Variants in CASZ1 observed in about 807,000 individuals in gnomAD.
CASZ1 encodes the protein castor zinc finger 1, also known as zinc finger protein castor homolog 1.
In CASZ1, 28 loss-of-function variants were observed where a neutral mutation model predicts 135.2. That is an observed-to-expected ratio of 0.21 (90% CI 0.15 to 0.28). CASZ1 has a LOEUF of 0.28. Ranked by LOEUF, CASZ1 falls within the 10% of genes least tolerant of loss-of-function variation. The probability of loss-of-function intolerance (pLI) is 1.00; values close to 1 mark genes in which losing one functional copy is unlikely to be tolerated. For missense variants in CASZ1, 2,161 were observed against 2,453.3 expected, an observed-to-expected ratio of 0.88 and a Z score of 2.52; for synonymous variants, 1,068 against 1,073.4, an observed-to-expected ratio of 0.99 and a Z score of 0.10.
intron 7 of CASZ1, 27 bp from the exon 8 acceptor site, chr1:10,656,763 G>A (rs751317305): frequency 2.7e-6 from 4 of 1,483,420 alleles, no homozygotes; most frequent in Non-Finnish European, 2.8e-6. Context: ...TGGGGTCAGG[G>A]CCCTGCTGTG....
intron 4 of CASZ1, among the ~76,000 whole-genome samples, chr1:10,675,015 A>ACCC (rs35948372): frequency 8.6e-5 from 13 of 150,788 alleles, no homozygotes; most frequent in African/African-American, 3.2e-4. Context: ...GTGCTCAGAT[A>ACCC]CCCCCCGCAA....
intron 17 of CASZ1, among the ~76,000 whole-genome samples, chr1:10,645,816 C>G (rs11587696): frequency 1.2e-4 from 18 of 152,052 alleles, no homozygotes; most frequent in Non-Finnish European, 2.4e-4. Context: ...AATTCTAGGG[C>G]TTTGGAAAAA....
chr1:10,644,210 G>A (rs537141568), intron 18 of CASZ1, among the ~76,000 whole-genome samples: 4 of 152,274 alleles, frequency 2.6e-5, no homozygotes, highest in African/African-American at 9.6e-5. Context: ...GTGGGTTCTG[G>A]TCTCTTCCTA....
intron 5 of CASZ1, among the ~76,000 whole-genome samples, chr1:10,664,037 G>A (rs1421257401): frequency 6.6e-6 from 1 of 152,252 alleles, no homozygotes; most frequent in Non-Finnish European, 1.5e-5. Context: ...TTTCCTATCA[G>A]AGGAAACTGA....
chr1:10,710,364 G>C (rs923015201), intron 2 of CASZ1, among the ~76,000 whole-genome samples: 1 of 152,134 alleles, frequency 6.6e-6, no homozygotes, highest in African/African-American at 2.4e-5. Context: ...AGAAAAGCTG[G>C]CCTCCCCACC....
At chr1:10,754,236 T>C (rs1387056032) in intron 2 of CASZ1, among the ~76,000 whole-genome samples, 1 of 152,236 alleles carries the variant, frequency 6.6e-6, no homozygotes, top group Non-Finnish European at 1.5e-5. Flanking sequence ...AAAGAGGCTC[T>C]TGTTTTCTCC....
At chr1:10,738,108 G>C (rs1238467343) in intron 2 of CASZ1, among the ~76,000 whole-genome samples, 1 of 152,152 alleles carries the variant, frequency 6.6e-6, no homozygotes, top group Non-Finnish European at 1.5e-5. Context: ...ACGAGCAATC[G>C]AGCAACTAAT....
rs924701424 is a variant in CASZ1, at chr1:10,717,653, G to A, written c.-76-12109C>T. Reference sequence around the variant, plus strand: ...CGGCTCCTGAGGACATGGATGGGGGGCAGGGGGCAGGGGACAGGGGCGGAG... The same window carrying A: ...CGGCTCCTGAGGACATGGATGGGGGACAGGGGGCAGGGGACAGGGGCGGAG... On this transcript the variant is annotated intron_variant, in intron 2 of 20. Transcript: ENST00000377022. The surrounding 1 kb of genome is among the most constrained non-coding windows in gnomAD (Gnocchi z 4.6). 1.3e-5 allele frequency among the ~76,000 whole-genome samples: 2 copies of A among 152,150 alleles called. No homozygotes were observed. The highest frequency in any genetic ancestry group is 6.5e-5 in the Admixed American group (1 of 15,278).
chr1:10,684,505 A>G (rs1473972491), intron 4 of CASZ1, among the ~76,000 whole-genome samples: 1 of 152,166 alleles, frequency 6.6e-6, no homozygotes, highest in Non-Finnish European at 1.5e-5. Flanking sequence ...TGGTCCATTC[A>G]GGAGGTGCCT....
chr1:10,641,532 C>G (rs896365306), intron 20 of CASZ1, among the ~76,000 whole-genome samples: 7 of 152,232 alleles, frequency 4.6e-5, no homozygotes, highest in African/African-American at 1.7e-4. Flanking sequence ...CCTGAGTCCA[C>G]AGAGACTTCC....
At chr1:10,704,407 G>C (rs905106066) in intron 3 of CASZ1, 1 of 152,318 alleles carries the variant, frequency 6.6e-6, no homozygotes, top group Non-Finnish European at 1.5e-5. Context: ...CCCAGCGAGA[G>C]TGCAGGGCGC....
chr1:10,767,813 G>A lies in CASZ1; in HGVS notation c.-233-6956C>T, dbSNP rs115219836. Among the ~76,000 whole-genome samples, 480 of 152,236 alleles carry A rather than the reference G, an allele frequency of 3.2e-3. 1 individual carries two copies. The highest frequency in any genetic ancestry group is 0.011 in the African/African-American group (457 of 41,528). On this transcript the variant is annotated intron_variant, in intron 1 of 20. Transcript: ENST00000377022. This position sits in a 1 kb window ranked among gnomAD's most constrained non-coding sequence, Gnocchi z 4.2. ...CCCTGTCTGTCTTGCCCACTGCCCC[G>A]GGGATCACTTCCCTCGCTGGCCCTG...
chr1:10,712,125 C>T (rs1212255446), intron 2 of CASZ1, among the ~76,000 whole-genome samples: 2 of 152,166 alleles, frequency 1.3e-5, no homozygotes, highest in East Asian at 3.8e-4. Flanking sequence ...GCAGGCAGAT[C>T]ACTTGAGGTC....
Position 10,665,125 on chromosome 1 carries a change from C to A in CASZ1, c.463G>T (p.Ala155Ser). The change falls in exon 5 of 21, where the codon GCC (alanine) becomes TCC (serine). Residue 155 changes from alanine to serine, a missense_variant. Physicochemically the swap from Ala to Ser is moderately conservative, Grantham distance 99. Coordinates refer to ENST00000377022, the MANE Select transcript of CASZ1 (RefSeq NM_001079843.3). ...CTGGGGCCGCTGTCCTCCTTGGAGG[C>A]TGCCCCGTCCGAATCCTTCTCCTCC... Reference protein sequence around the residue: ...ALEEKDSDGAASKEDSGPSTR... With the variant: ...ALEEKDSDGASSKEDSGPSTR... The A allele has an allele frequency of 2.0e-6, 3 of 1,519,102 alleles. No homozygotes were observed. Among genetic ancestry groups the A allele is most frequent in the Non-Finnish European group, 2.6e-6 (3 of 1,133,030 alleles). 94.1% of individuals were successfully genotyped at this position (1,519,102 alleles called of 1,614,324 possible).
Position 10,665,314 on chromosome 1 carries a change from C to T in CASZ1, c.274G>A (p.Val92Met), listed in dbSNP as rs1335221912. Residue 92 changes from valine to methionine, a missense_variant, in exon 5 of 21, where the codon GTG becomes ATG. By Grantham distance (21) the Val-to-Met change is conservative. Coordinates refer to ENST00000377022, the MANE Select transcript of CASZ1 (RefSeq NM_001079843.3). Reference sequence around the variant, plus strand: ...GGCTCCTCGCTGTACTCCCCGTTCACCCACTTCTCGATCACTGCCCGTCTC... The same window carrying T: ...GGCTCCTCGCTGTACTCCCCGTTCATCCACTTCTCGATCACTGCCCGTCTC... ...DKRRAVIEKW[V>M]NGEYSEEPAP... is the part of the protein sequence containing the mutation. 1.9e-6 allele frequency: 3 copies of T among 1,612,728 alleles called. No homozygotes were observed. Among genetic ancestry groups the T allele is most frequent in the Middle Eastern group, 1.6e-4 (1 of 6,082 alleles).
rs1184972918 is a variant in CASZ1 at position 10,639,134 on chromosome 1, GTCC to G, written c.5085_5087del (p.Glu1695del). On this transcript the variant is annotated inframe_deletion, in exon 21 of 21. Transcript: ENST00000377022. This position sits in a 1 kb window ranked among gnomAD's most constrained non-coding sequence, Gnocchi z 4.0. Reference sequence around the variant, plus strand: ...CCTCGTCGTCGTCGTCCTCGTCGTCGTCCTCGTCCTCGTCGTCTTCGGCCTCCT... The same window carrying G: ...CCTCGTCGTCGTCGTCCTCGTCGTCGTCGTCCTCGTCGTCTTCGGCCTCCT... The G allele has an allele frequency of 8.9e-7, 1 of 1,122,854 alleles. No homozygotes were observed. The highest frequency in any genetic ancestry group is 2.4e-5 in the South Asian group (1 of 41,484). 69.6% of individuals were successfully genotyped at this position (1,122,854 alleles called of 1,614,324 possible). A position where few individuals can be genotyped will look rare whatever the true frequency, so the allele number is the denominator to read the frequency against.
chr1:10,727,301 C>T lies in CASZ1; in HGVS notation c.-76-21757G>A, dbSNP rs1355434264. On this transcript the variant is annotated intron_variant, in intron 2 of 20. Transcript: ENST00000377022. The surrounding 1 kb of genome is among the most constrained non-coding windows in gnomAD (Gnocchi z 5.3). ...TGTTTGAGCCCAGCCCCAGCCCCCA[C>T]TCCAGGTCATCGGCCATCCAGCTCT... Among the ~76,000 whole-genome samples the T allele has an allele frequency of 1.3e-5, 2 of 152,108 alleles. No homozygotes were observed. The highest frequency in any genetic ancestry group is 4.8e-5 in the African/African-American group (2 of 41,406).
At position 10,741,488 on chromosome 1, in the gene CASZ1, G is replaced by T. The variant is rs577631369; in HGVS notation, c.-77+19213C>A. Among the ~76,000 whole-genome samples the T allele has an allele frequency of 6.6e-5, 10 of 152,238 alleles. 1 individual carries two copies. Among genetic ancestry groups the T allele is most frequent in the African/African-American group, 2.4e-4 (10 of 41,524 alleles). Reference sequence around the variant, plus strand: ...CAGCTCTCCAGTAAAGATGAGCATGGGCAGGGCTGGCGTGATGAGGCTGGT... The same window carrying T: ...CAGCTCTCCAGTAAAGATGAGCATGTGCAGGGCTGGCGTGATGAGGCTGGT... On this transcript the variant is annotated intron_variant, in intron 2 of 20. Coordinates refer to ENST00000377022, the MANE Select transcript of CASZ1 (RefSeq NM_001079843.3). This position sits in a 1 kb window ranked among gnomAD's most constrained non-coding sequence, Gnocchi z 5.0.
chr1:10,640,316 C>G (rs1371196061), intron 20 of CASZ1, among the ~76,000 whole-genome samples: 1 of 152,234 alleles, frequency 6.6e-6, no homozygotes, highest in Admixed American at 6.5e-5. Context: ...GGTGGCAGCC[C>G]AACCAGCTCT....
Sources: allele counts gnomAD v4.1 joint callset (sites outside exome capture counted in the v4.1 genomes callset), GRCh38; gene constraint gnomAD v4.1.1; non-coding constraint Gnocchi (gnomAD v3.1); transcripts MANE v1.5; gene names NCBI Gene and HGNC (gene_info 2026-07-23, HGNC 2026-07-21).